RIMS2: variants seen among roughly 807,000 people sequenced by gnomAD.
The protein encoded by RIMS2 is regulating synaptic membrane exocytosis 2.
A neutral mutation model predicts 174.4 loss-of-function variants in RIMS2; 59 were observed. The observed-to-expected ratio is 0.34, with a 90% confidence interval of 0.27 to 0.42. RIMS2 has a LOEUF of 0.42. Among genes scored for constraint, RIMS2 ranks in the 10% least tolerant of loss-of-function variants. The pLI is 1.00. For missense variants in RIMS2, 1,620 were observed against 1,666.3 expected (o/e 0.97, Z 0.48); for synonymous variants, 606 against 572.5 (o/e 1.06, Z -0.84).
chr8:104,120,755 A>G (rs1302729792), intron 19 of RIMS2, among the ~76,000 whole-genome samples: 1 of 152,168 alleles, frequency 6.6e-6, no homozygotes, highest in Non-Finnish European at 1.5e-5. Context: ...AGGATAAAAA[A>G]GGAAAAAAAA....
intron 19 of RIMS2, among the ~76,000 whole-genome samples, chr8:104,146,204 C>CAAAA (rs36101798): frequency 0.01 from 682 of 65,856 alleles, 13 homozygotes; most frequent in African/African-American, 0.017. Flanking sequence ...TCTCCTCTCC[C>CAAAA]AAAAAAAAAA....
chr8:103,609,207 G>T (rs2095275776), intron 1 of RIMS2, among the ~76,000 whole-genome samples: 2 of 152,160 alleles, frequency 1.3e-5, no homozygotes, highest in South Asian at 2.1e-4. Flanking sequence ...GGAATTGTTT[G>T]TTTTTTGCTT....
chr8:103,564,032 A>C (rs2092003773), intron 1 of RIMS2, among the ~76,000 whole-genome samples: 1 of 152,186 alleles, frequency 6.6e-6, no homozygotes, highest in African/African-American at 2.4e-5. Context: ...TTGGGTGGGG[A>C]TGCAATCAAA....
chr8:103,505,171 A>G (rs939843148), intron 1 of RIMS2, among the ~76,000 whole-genome samples: 7 of 151,706 alleles, frequency 4.6e-5, no homozygotes, highest in African/African-American at 1.7e-4. Context: ...TTAGCTACCT[A>G]TTTCCCCTAC....
chr8:104,166,732 CTG>C (rs2098800386), intron 19 of RIMS2, among the ~76,000 whole-genome samples: 1 of 151,292 alleles, frequency 6.6e-6, no homozygotes, highest in East Asian at 1.9e-4. Flanking sequence ...ATATTTATAA[CTG>C]TATAAATATT....
intron 2 of RIMS2, among the ~76,000 whole-genome samples, chr8:103,760,736 T>C (rs1311377298): frequency 6.6e-6 from 1 of 152,244 alleles, no homozygotes; most frequent in Non-Finnish European, 1.5e-5. Context: ...ATTATAACAA[T>C]ATTTGTGCAA....
chr8:103,739,001 C>G (rs1022616313), intron 2 of RIMS2, among the ~76,000 whole-genome samples: 3 of 152,144 alleles, frequency 2.0e-5, no homozygotes, highest in Non-Finnish European at 4.4e-5. Flanking sequence ...ACTAGAAATA[C>G]CATTTGACGT....
intron 2 of RIMS2, among the ~76,000 whole-genome samples, chr8:103,718,336 T>C (rs1231092742): frequency 6.6e-6 from 1 of 152,228 alleles, no homozygotes; most frequent in Non-Finnish European, 1.5e-5. Flanking sequence ...ATATTTATTA[T>C]TGTTCATACT....
At chr8:104,204,208 T>C (rs940310478) in intron 19 of RIMS2, among the ~76,000 whole-genome samples, 1 of 152,266 alleles carries the variant, frequency 6.6e-6, no homozygotes, top group Admixed American at 6.5e-5. Flanking sequence ...GTGTACAGTA[T>C]TCTACATTGT....
At chr8:104,200,897 A>G (rs2099051381) in intron 19 of RIMS2, among the ~76,000 whole-genome samples, 1 of 152,238 alleles carries the variant, frequency 6.6e-6, no homozygotes, top group African/African-American at 2.4e-5. Flanking sequence ...TGGGTGACAC[A>G]GTGAGACCCT....
intron 20 of RIMS2, among the ~76,000 whole-genome samples, chr8:104,245,657 C>T: frequency 6.6e-6 from 1 of 152,120 alleles, no homozygotes; most frequent in Non-Finnish European, 1.5e-5. Context: ...ATTAATAGTA[C>T]TTAGCAACTA....
At chr8:103,931,309 T>C in exon 12 of RIMS2, 1 of 1,604,496 alleles carries the variant, frequency 6.2e-7, no homozygotes, top group Non-Finnish European at 8.5e-7. Flanking sequence ...ATAGTTACAA[T>C]TTTGGGAGCA....
chr8:103,904,003 A>G (rs756315683), intron 4 of RIMS2, among the ~76,000 whole-genome samples: 3 of 152,096 alleles, frequency 2.0e-5, no homozygotes, highest in Non-Finnish European at 4.4e-5. Context: ...CTTATCACAT[A>G]TATGGATTCA....
rs546363187 is a variant in RIMS2, at chr8:103,762,063, T to C, written c.388-4164T>C. Among the ~76,000 whole-genome samples the C allele has an allele frequency of 5.9e-5, 9 of 151,716 alleles. No individual in the cohort carries two copies. In the South Asian group the frequency reaches 1.9e-3, roughly 32 times the overall value. On this transcript the variant is annotated intron_variant, in intron 2 of 23. Transcript: ENST00000504942. ...TTTCTTTTAGTATTCACTGCAGCTGTTATGGTTATTATTTTTGTGGTTTAA... is the reference window on the plus strand; with the variant it reads ...TTTCTTTTAGTATTCACTGCAGCTGCTATGGTTATTATTTTTGTGGTTTAA...
chr8:103,719,369 A>G (rs2097417872), intron 2 of RIMS2, among the ~76,000 whole-genome samples: 1 of 152,240 alleles, frequency 6.6e-6, no homozygotes, highest in Non-Finnish European at 1.5e-5. Context: ...AAACACTAGT[A>G]AGATATGCAG....
chr8:103,881,657 A>G (rs963169173), intron 3 of RIMS2, among the ~76,000 whole-genome samples: 6 of 151,572 alleles, frequency 4.0e-5, no homozygotes, highest in African/African-American at 1.2e-4. Flanking sequence ...CAGATGTGTT[A>G]TACAAGCTAG....
At position 104,244,908 on chromosome 8, in the gene RIMS2, C is replaced by T. The variant is rs1398394258; in HGVS notation, c.3335-8C>T. 2 of 1,610,852 alleles carry T rather than the reference C, an allele frequency of 1.2e-6. No homozygotes were observed. Among genetic ancestry groups the T allele is most frequent in the Middle Eastern group, 1.7e-4 (1 of 6,028 alleles). On this transcript the variant is annotated splice_polypyrimidine_tract_variant and splice_region_variant and intron_variant, in intron 19 of 23. Transcript: ENST00000504942. ...AAGCTGTTACACTTTTTGTTTCTAT[C>T]TCTGCAGAAGCAGGAGGTAAAAAAC...
intron 1 of RIMS2, among the ~76,000 whole-genome samples, chr8:103,690,223 T>G (rs1195095912): frequency 8.5e-5 from 13 of 152,166 alleles, no homozygotes; most frequent in Non-Finnish European, 7.4e-5. Context: ...CTCAGCTTCC[T>G]GAAGTTCTGG....
chr8:103,593,818 A>G lies in RIMS2; in HGVS notation c.176+92756A>G, dbSNP rs377487092. Among the ~76,000 whole-genome samples, 40 of 151,484 alleles carry G rather than the reference A, an allele frequency of 2.6e-4. No individual in the cohort carries two copies. In the East Asian group the frequency reaches 3.3e-3, roughly 12 times the overall value. ...ATGGATTTATTATTAATAATTAAAA[A>G]TCAATTTAAAAATAAATAGAAAATT... On this transcript the variant is annotated intron_variant, in intron 1 of 23. Coordinates refer to ENST00000504942, the Ensembl canonical transcript of RIMS2.
Sources: gnomAD v4.1 joint callset for allele counts (sites outside exome capture counted in the v4.1 genomes callset) on GRCh38, gnomAD v4.1.1 for gene constraint, MANE v1.5 for transcripts, NCBI Gene and HGNC (gene_info 2026-07-23, HGNC 2026-07-21) for gene names.